Variants in IL7 observed in about 807,000 individuals in gnomAD.
IL7 encodes the protein interleukin-7.
In IL7, 3 loss-of-function variants were observed where a neutral mutation model predicts 21.6. The observed-to-expected ratio is 0.14, with a 90% CI of 0.06 to 0.36. The LOEUF is 0.36. IL7 is among the 10% of genes least tolerant of loss of function. The probability of loss-of-function intolerance (pLI) is 1.00; values close to 1 mark genes in which losing one functional copy is unlikely to be tolerated. For synonymous variants in IL7, 62 were observed against 68.1 expected (o/e 0.91, Z 0.44); for missense variants, 175 against 200.2 (o/e 0.87, Z 0.76).
At chr8:78,781,437 G>T (rs185673789) in intron 2 of IL7, among the ~76,000 whole-genome samples, 21 of 152,194 alleles carry the variant, frequency 1.4e-4, no homozygotes, top group African/African-American at 4.8e-4. Context: ...CTCAGCATTT[G>T]CCTGTCTGGA....
At chr8:78,802,212 CATAA>C (rs894781488) in intron 1 of IL7, among the ~76,000 whole-genome samples, 8 of 152,286 alleles carry the variant, frequency 5.3e-5, no homozygotes, top group African/African-American at 1.4e-4. Flanking sequence ...TCAAAGTTAA[CATAA>C]ATAGTTTTCT....
intron 3 of IL7, among the ~76,000 whole-genome samples, chr8:78,686,178 A>G (rs1472301864): frequency 6.6e-6 from 1 of 152,182 alleles, no homozygotes; most frequent in African/African-American, 2.4e-5. Context: ...TGGAGGGAAC[A>G]TTGAACCACA....
intron 4 of IL7, among the ~76,000 whole-genome samples, chr8:78,683,535 G>A (rs67988428): frequency 0.16 from 23,949 of 152,046 alleles, 2,052 homozygotes; most frequent in Middle Eastern, 0.3. Context: ...AAATCCCTAC[G>A]CTGCACACAG....
At chr8:78,779,014 G>A (rs1813226784) in intron 2 of IL7, among the ~76,000 whole-genome samples, 1 of 152,094 alleles carries the variant, frequency 6.6e-6, no homozygotes, top group Non-Finnish European at 1.5e-5. Context: ...AATTGTAAAT[G>A]GGAGTTCATT....
downstream of IL7, among the ~76,000 whole-genome samples, chr8:78,716,268 G>A (rs971883637): frequency 4.6e-5 from 7 of 151,102 alleles, no homozygotes; most frequent in African/African-American, 9.7e-5. Context: ...GACTACAGGC[G>A]CCCGCCACCA....
At chr8:78,699,654 G>A (rs1253498621) in intron 3 of IL7, among the ~76,000 whole-genome samples, 2 of 151,980 alleles carry the variant, frequency 1.3e-5, no homozygotes, top group African/African-American at 2.4e-5. Context: ...AGTACGTGTT[G>A]TTCCCCTCTA....
intron 3 of IL7, among the ~76,000 whole-genome samples, chr8:78,727,704 C>T (rs187324463): frequency 6.6e-6 from 1 of 151,872 alleles, no homozygotes. Context: ...TTCAATATGT[C>T]TATTATTTTT....
chr8:78,744,410 C>T (rs188877154), intron 2 of IL7, among the ~76,000 whole-genome samples: 6 of 152,226 alleles, frequency 3.9e-5, no homozygotes, highest in Admixed American at 3.3e-4. Flanking sequence ...CCCTTCTGCC[C>T]GATCGGTTTG....
At chr8:78,780,076 G>A (rs1436164782) in intron 2 of IL7, among the ~76,000 whole-genome samples, 1 of 152,080 alleles carries the variant, frequency 6.6e-6, no homozygotes, top group Non-Finnish European at 1.5e-5. Context: ...TGGGGTCAGT[G>A]ATGATATTTA....
At chr8:78,787,813 A>C (rs1466884065) in intron 2 of IL7, among the ~76,000 whole-genome samples, 1 of 152,000 alleles carries the variant, frequency 6.6e-6, no homozygotes, top group Non-Finnish European at 1.5e-5. Flanking sequence ...CATTTATTTG[A>C]GTTTCCTAGG....
chr8:78,801,529 G>A (rs1263559176), intron 1 of IL7, among the ~76,000 whole-genome samples: 4 of 122,772 alleles, frequency 3.3e-5, no homozygotes, highest in East Asian at 1.9e-4. Flanking sequence ...AGCCATGGCC[G>A]TAAGCCATGG....
chr8:78,715,724 A>G (rs554505387), downstream of IL7, among the ~76,000 whole-genome samples: 352 of 152,238 alleles, frequency 2.3e-3, 1 homozygote, highest in African/African-American at 8.0e-3. Context: ...ATGTCATTGA[A>G]CTGCTGCAGT....
intron 2 of IL7, among the ~76,000 whole-genome samples, chr8:78,771,130 T>C (rs1812935041): frequency 6.6e-6 from 1 of 152,068 alleles, no homozygotes; most frequent in African/African-American, 2.4e-5. Flanking sequence ...AGAAAGTGTT[T>C]TCCTAGCTGT....
At chr8:78,717,481 A>C, downstream of IL7, 1 of 1,577,454 alleles carries the variant, frequency 6.3e-7, no homozygotes. Context: ...GCATTCGAAG[A>C]ATGATTCTAT....
chr8:78,689,437 G>C, intron 3 of IL7: 1 of 1,428,004 alleles, frequency 7.0e-7, no homozygotes, highest in Non-Finnish European at 9.3e-7. Flanking sequence ...ATAGATTATT[G>C]TTTATGCTTT....
chr8:78,753,467 G>A lies in IL7; in HGVS notation c.148-13385C>T, dbSNP rs547713501. ...TTTGTTTAAGTTCCTTGTAGATTCT[G>A]GATATTAGGTCTTTGTCAGGTGGAT... On this transcript the variant is annotated intron_variant, in intron 2 of 5. Transcript: ENST00000263851. Among the ~76,000 whole-genome samples the A allele has an allele frequency of 7.2e-5, 11 of 152,124 alleles. No individual in the cohort carries two copies. In the South Asian group the frequency reaches 1.9e-3, roughly 26 times the overall value.
At chr8:78,793,703 C>T (rs1198247250) in intron 2 of IL7, among the ~76,000 whole-genome samples, 1 of 152,046 alleles carries the variant, frequency 6.6e-6, no homozygotes, top group Non-Finnish European at 1.5e-5. Flanking sequence ...AAGTTTGCCA[C>T]ATAGATTAAC....
At chr8:78,771,811 C>T (rs1586090422) in intron 2 of IL7, among the ~76,000 whole-genome samples, 2 of 152,192 alleles carry the variant, frequency 1.3e-5, no homozygotes, top group Non-Finnish European at 1.5e-5. Context: ...CTAAAAACTG[C>T]CCCCCTTTCT....
chr8:78,774,858 TG>T (rs1813079927), intron 2 of IL7, among the ~76,000 whole-genome samples: 1 of 152,078 alleles, frequency 6.6e-6, no homozygotes, highest in Non-Finnish European at 1.5e-5. Flanking sequence ...CTTGTGATTG[TG>T]AGTTTTCATT....
Sources: allele counts gnomAD v4.1 joint callset (sites outside exome capture counted in the v4.1 genomes callset), GRCh38; gene constraint gnomAD v4.1.1; transcripts MANE v1.5; gene names NCBI Gene and HGNC (gene_info 2026-07-23, HGNC 2026-07-21).